MB21D2: variants seen among roughly 807,000 people sequenced by gnomAD.
The protein encoded by MB21D2 is Mab-21 domain containing 2.
In MB21D2, 9 loss-of-function variants were observed where a neutral mutation model predicts 33.3. The ratio of observed to expected loss-of-function variants is 0.27; its 90% confidence interval spans 0.16 to 0.47. The LOEUF (loss-of-function observed/expected upper bound fraction) is 0.47, where lower values mean the gene tolerates loss of function less well. MB21D2 is among the 20% of genes least tolerant of loss of function. The probability of loss-of-function intolerance (pLI) is 0.99; values close to 1 mark genes in which losing one functional copy is unlikely to be tolerated. For synonymous variants in MB21D2, 241 were observed against 236.3 expected (o/e 1.02, Z -0.18); for missense variants, 540 against 624.6 (o/e 0.86, Z 1.44).
intron 1 of MB21D2, among the ~76,000 whole-genome samples, chr3:192,880,992 T>A (rs1017755796): frequency 6.6e-6 from 1 of 152,064 alleles, no homozygotes; most frequent in Non-Finnish European, 1.5e-5. Context: ...TATATTTATA[T>A]ACACATCTAT....
chr3:192,883,542 T>C (rs1166903522), intron 1 of MB21D2, among the ~76,000 whole-genome samples: 2 of 152,154 alleles, frequency 1.3e-5, no homozygotes, highest in African/African-American at 2.4e-5. Context: ...CTAGGTTTTC[T>C]GTTTATTGCC....
At chr3:192,825,024 T>C (rs1008751586) in intron 1 of MB21D2, among the ~76,000 whole-genome samples, 14 of 152,172 alleles carry the variant, frequency 9.2e-5, no homozygotes, top group African/African-American at 3.1e-4. Flanking sequence ...GCGGTCCTCC[T>C]ACGTGCTCAT....
At chr3:192,917,541 G>T in intron 1 of MB21D2, 89 bp downstream of exon 1, 2 of 1,408,398 alleles carry the variant, frequency 1.4e-6, no homozygotes, top group Non-Finnish European at 2.0e-6. Context: ...ACCCAGAAGG[G>T]AAGAGGTCGA....
At chr3:192,800,058 T>A (rs1000353037) in intron 1 of MB21D2, among the ~76,000 whole-genome samples, 1 of 152,150 alleles carries the variant, frequency 6.6e-6, no homozygotes, top group Admixed American at 6.5e-5. Context: ...CTCACTTCCT[T>A]CCCTGTTCTC....
chr3:192,812,358 T>C (rs1335334935), intron 1 of MB21D2, among the ~76,000 whole-genome samples: 1 of 152,156 alleles, frequency 6.6e-6, no homozygotes, highest in African/African-American at 2.4e-5. Flanking sequence ...AGTGTAGTGT[T>C]TACACTAATT....
At chr3:192,907,893 G>C (rs9870304) in intron 1 of MB21D2, among the ~76,000 whole-genome samples, 68,460 of 151,716 alleles carry the variant, frequency 0.45, 17,817 homozygotes, top group Non-Finnish European at 0.58. Flanking sequence ...CAGAGGTCCG[G>C]AAGTACCCTC....
chr3:192,848,933 G>C (rs1484087112), intron 1 of MB21D2, among the ~76,000 whole-genome samples: 1 of 152,156 alleles, frequency 6.6e-6, no homozygotes, highest in East Asian at 1.9e-4. Context: ...TGAATTCAGA[G>C]GGCCCCTGGG....
chr3:192,909,038 G>A (rs187983971), intron 1 of MB21D2, among the ~76,000 whole-genome samples: 3 of 151,474 alleles, frequency 2.0e-5, no homozygotes, highest in Non-Finnish European at 4.4e-5. Context: ...GGCAGATCAC[G>A]AGGTCGGGAG....
At chr3:192,849,735 T>A (rs1326562647) in intron 1 of MB21D2, among the ~76,000 whole-genome samples, 1 of 152,256 alleles carries the variant, frequency 6.6e-6, no homozygotes, top group Non-Finnish European at 1.5e-5. Flanking sequence ...TTTATTTATG[T>A]CTATTGCTTA....
intron 1 of MB21D2, among the ~76,000 whole-genome samples, chr3:192,869,175 G>A (rs1371409593): frequency 2.6e-5 from 4 of 151,672 alleles, no homozygotes; most frequent in Non-Finnish European, 5.9e-5. Context: ...AGAATTGCTT[G>A]AGCCCGGGAG....
chr3:192,828,802 T>C lies in MB21D2; in HGVS notation c.212-29152A>G, dbSNP rs534676825. ...TAGCTAGGACTACAGGCGCCCGCCATCACACCCGGCTAATTTTTTTGTATT... is the reference window on the plus strand; with the variant it reads ...TAGCTAGGACTACAGGCGCCCGCCACCACACCCGGCTAATTTTTTTGTATT... On this transcript the variant is annotated intron_variant, in intron 1 of 1. Coordinates refer to ENST00000392452, the MANE Select transcript of MB21D2 (RefSeq NM_178496.4). 2.3e-3 allele frequency among the ~76,000 whole-genome samples: 351 copies of C among 150,008 alleles called. 4 individuals carry two copies. Among genetic ancestry groups the C allele is most frequent in the African/African-American group, 7.3e-3 (298 of 41,016 alleles).
intron 1 of MB21D2, among the ~76,000 whole-genome samples, chr3:192,875,821 C>A (rs1267698942): frequency 1.3e-5 from 2 of 152,084 alleles, no homozygotes; most frequent in African/African-American, 4.8e-5. Context: ...AGATTTATGG[C>A]CCCACATTTT....
At chr3:192,873,927 T>C (rs1713375072) in intron 1 of MB21D2, among the ~76,000 whole-genome samples, 1 of 152,196 alleles carries the variant, frequency 6.6e-6, no homozygotes, top group African/African-American at 2.4e-5. Context: ...CTCGAACTCC[T>C]GACCTCAGGT....
intron 1 of MB21D2, among the ~76,000 whole-genome samples, chr3:192,845,568 A>C (rs567080874): frequency 5.9e-5 from 9 of 152,282 alleles, no homozygotes; most frequent in Admixed American, 1.3e-4. Context: ...CTTAGCCCAT[A>C]ATTCTCGCCT....
chr3:192,852,179 T>C (rs936263196), intron 1 of MB21D2, among the ~76,000 whole-genome samples: 1 of 152,194 alleles, frequency 6.6e-6, no homozygotes, highest in African/African-American at 2.4e-5. Flanking sequence ...AGATGCCTCC[T>C]TCATCCTTTC....
chr3:192,894,613 AT>A (rs1437753616), intron 1 of MB21D2, among the ~76,000 whole-genome samples: 1 of 152,068 alleles, frequency 6.6e-6, no homozygotes, highest in Non-Finnish European at 1.5e-5. Context: ...TCTTACAAAC[AT>A]TTTGCCCATG....
intron 1 of MB21D2, among the ~76,000 whole-genome samples, chr3:192,916,891 G>A (rs1467303264): frequency 6.6e-6 from 1 of 152,202 alleles, no homozygotes; most frequent in Non-Finnish European, 1.5e-5. Context: ...GCAGGGAACC[G>A]GCGCTCCTCT....
At chr3:192,847,020 G>A (rs549562055) in intron 1 of MB21D2, among the ~76,000 whole-genome samples, 1 of 152,202 alleles carries the variant, frequency 6.6e-6, no homozygotes, top group South Asian at 2.1e-4. Context: ...GAGCCCAGTT[G>A]GGGGAAGACT....
intron 1 of MB21D2, among the ~76,000 whole-genome samples, chr3:192,810,883 G>C (rs35511591): frequency 2.8e-5 from 1 of 35,624 alleles, no homozygotes; most frequent in Non-Finnish European, 5.8e-5. Context: ...GAGTATGCTT[G>C]TGTGTGTGTG....
Sources: gnomAD v4.1 joint callset for allele counts (sites outside exome capture counted in the v4.1 genomes callset) on GRCh38, gnomAD v4.1.1 for gene constraint, MANE v1.5 for transcripts, NCBI Gene and HGNC (gene_info 2026-07-23, HGNC 2026-07-21) for gene names.